Variants in RBFOX1 observed in about 807,000 individuals in gnomAD.
The protein encoded by RBFOX1 is RNA binding protein fox-1 homolog 1.
Under a neutral mutation model 57.7 loss-of-function variants are expected in RBFOX1, and 8 were observed. The ratio of observed to expected loss-of-function variants is 0.14; its 90% CI spans 0.08 to 0.25. RBFOX1 has a LOEUF of 0.25. Ranked by LOEUF, RBFOX1 falls within the 10% of genes least tolerant of loss-of-function variation. The probability of loss-of-function intolerance (pLI) is 1.00; values close to 1 mark genes in which losing one functional copy is unlikely to be tolerated. For synonymous variants in RBFOX1, 326 were observed against 222.4 expected (o/e 1.47, Z -4.15); for missense variants, 611 against 548.5 (o/e 1.11, Z -1.14).
chr16:7,556,735 G>A (rs1479696906), intron 5 of RBFOX1, among the ~76,000 whole-genome samples: 3 of 152,014 alleles, frequency 2.0e-5, no homozygotes, highest in African/African-American at 7.3e-5. Flanking sequence ...CTATAAAATG[G>A]GCATAATTTT....
At chr16:6,592,328 A>G (rs1036467791) in intron 2 of RBFOX1, among the ~76,000 whole-genome samples, 1 of 152,160 alleles carries the variant, frequency 6.6e-6, no homozygotes, top group Non-Finnish European at 1.5e-5. Flanking sequence ...GCAGTTGTAC[A>G]TTTCTTCTCC....
chr16:6,886,616 G>A (rs1357316740), intron 3 of RBFOX1, among the ~76,000 whole-genome samples: 5 of 151,872 alleles, frequency 3.3e-5, no homozygotes, highest in African/African-American at 1.2e-4. Context: ...TTAGCTGGGC[G>A]TGGTGGTGCT....
intron 3 of RBFOX1, among the ~76,000 whole-genome samples, chr16:6,723,333 G>A (rs886295797): frequency 4.6e-5 from 7 of 152,108 alleles, no homozygotes; most frequent in Non-Finnish European, 1.0e-4. Context: ...AGAATTCACC[G>A]AGCATAGGCA....
At chr16:7,019,127 C>T (rs183547884) in intron 3 of RBFOX1, among the ~76,000 whole-genome samples, 1 of 151,864 alleles carries the variant, frequency 6.6e-6, no homozygotes, top group Non-Finnish European at 1.5e-5. Flanking sequence ...GGTAATGATA[C>T]TGATTGAGTT....
chr16:7,613,068 A>G (rs2057824303), intron 10 of RBFOX1, among the ~76,000 whole-genome samples: 1 of 152,198 alleles, frequency 6.6e-6, no homozygotes, highest in South Asian at 2.1e-4. Flanking sequence ...CAGATCTAAG[A>G]TATAGTTAGG....
chr16:5,282,897 A>G (rs1370498368), intron 1 of RBFOX1, among the ~76,000 whole-genome samples: 3 of 152,200 alleles, frequency 2.0e-5, no homozygotes, highest in African/African-American at 4.8e-5. Context: ...ATCCCCGTCA[A>G]TGGGGAAAAT....
chr16:6,651,641 G>A (rs181109161), intron 2 of RBFOX1, among the ~76,000 whole-genome samples: 12 of 152,268 alleles, frequency 7.9e-5, no homozygotes, highest in Middle Eastern at 3.4e-3. Context: ...TGTGGAAAAC[G>A]GTAGGGTGGT....
At chr16:5,502,774 C>A (rs984683106) in intron 2 of RBFOX1, among the ~76,000 whole-genome samples, 9 of 152,160 alleles carry the variant, frequency 5.9e-5, no homozygotes, top group African/African-American at 1.9e-4. Flanking sequence ...CCCCCGAAGG[C>A]TGGAACTTTA....
At chr16:5,850,691 A>G (rs2056873583) in intron 3 of RBFOX1, among the ~76,000 whole-genome samples, 1 of 152,234 alleles carries the variant, frequency 6.6e-6, no homozygotes, top group African/African-American at 2.4e-5. Flanking sequence ...TGAGGCTCAG[A>G]GAACTGGAGC....
At chr16:6,825,645 G>A (rs1431725832) in intron 3 of RBFOX1, among the ~76,000 whole-genome samples, 2 of 152,238 alleles carry the variant, frequency 1.3e-5, no homozygotes, top group South Asian at 2.1e-4. Flanking sequence ...TTTATTCACC[G>A]CTTCACTGCA....
At chr16:6,426,766 G>C (rs138550009) in intron 2 of RBFOX1, among the ~76,000 whole-genome samples, 1 of 152,154 alleles carries the variant, frequency 6.6e-6, no homozygotes, top group Non-Finnish European at 1.5e-5. Flanking sequence ...ATCATCCAGA[G>C]AATGAAAAAA....
intron 4 of RBFOX1, among the ~76,000 whole-genome samples, chr16:5,889,837 G>T (rs776592255): frequency 6.6e-6 from 1 of 152,192 alleles, no homozygotes; most frequent in Non-Finnish European, 1.5e-5. Flanking sequence ...GCCTGTAGTC[G>T]AGTGGTTTTT....
chr16:5,885,446 C>G (rs1489282046), intron 4 of RBFOX1, among the ~76,000 whole-genome samples: 1 of 152,004 alleles, frequency 6.6e-6, no homozygotes, highest in African/African-American at 2.4e-5. Context: ...AAAAGCATCA[C>G]AAAACATGTT....
intron 3 of RBFOX1, among the ~76,000 whole-genome samples, chr16:6,692,216 A>T (rs1204729513): frequency 6.6e-6 from 1 of 152,224 alleles, no homozygotes; most frequent in Non-Finnish European, 1.5e-5. Flanking sequence ...TAGCATCAAT[A>T]GGAAACTAAC....
In RBFOX1 at chr16:6,635,157, GTATAA is replaced by G. The variant is rs550743552; in HGVS notation, c.-63-19441_-63-19437del. 2.3e-4 allele frequency among the ~76,000 whole-genome samples: 34 copies of G among 146,386 alleles called. No homozygotes were observed. The South Asian group carries it at 5.1e-3, about 22-fold the overall frequency. Reference sequence around the variant, plus strand: ...ATTATATTAAATGTATATGATATGAGTATAATATATTACGAAAGTTTTAATATATA... The same window carrying G: ...ATTATATTAAATGTATATGATATGAGTATATTACGAAAGTTTTAATATATA... On this transcript the variant is annotated intron_variant, in intron 2 of 15. Transcript: ENST00000550418.
At chr16:6,137,698 C>T (rs1221609584) in intron 1 of RBFOX1, among the ~76,000 whole-genome samples, 3 of 145,674 alleles carry the variant, frequency 2.1e-5, no homozygotes, top group East Asian at 2.1e-4. Context: ...ACTACAGCCT[C>T]AACTTCTGGG....
chr16:6,076,110 C>G (rs1359300728), intron 1 of RBFOX1, among the ~76,000 whole-genome samples: 1 of 152,076 alleles, frequency 6.6e-6, no homozygotes, highest in Non-Finnish European at 1.5e-5. Context: ...ACCAGCCTGA[C>G]CAACATGGAG....
At chr16:6,681,380 A>T (rs2058628981) in intron 3 of RBFOX1, among the ~76,000 whole-genome samples, 1 of 152,214 alleles carries the variant, frequency 6.6e-6, no homozygotes, top group African/African-American at 2.4e-5. Context: ...CCTTGGTTAA[A>T]AAGTTTGGTA....
At chr16:5,925,773 T>A (rs2058927900) in intron 4 of RBFOX1, among the ~76,000 whole-genome samples, 1 of 152,212 alleles carries the variant, frequency 6.6e-6, no homozygotes, top group South Asian at 2.1e-4. Context: ...CTCTCAGGTC[T>A]CTTCCACCCT....
Sources: gnomAD v4.1 joint callset for allele counts (sites outside exome capture counted in the v4.1 genomes callset) on GRCh38, gnomAD v4.1.1 for gene constraint, MANE v1.5 for transcripts, NCBI Gene and HGNC (gene_info 2026-07-23, HGNC 2026-07-21) for gene names.